Variants in LAMTOR3 observed in about 807,000 individuals in gnomAD.
LAMTOR3 encodes late endosomal/lysosomal adaptor, MAPK and MTOR activator 3, also known as ragulator complex protein LAMTOR3.
In LAMTOR3, 14 loss-of-function variants were observed where a neutral mutation model predicts 20.3. That is an observed-to-expected ratio of 0.69 (90% CI 0.46 to 1.08). The LOEUF is 1.08. LAMTOR3 is among the 50% of genes least tolerant of loss of function. The pLI is 0.00. For missense variants in LAMTOR3, 125 were observed against 143.7 expected (o/e 0.87, Z 0.67); for synonymous variants, 40 against 49.4 (o/e 0.81, Z 0.80).
At chr4:99,888,387 T>G (rs148093979) in intron 3 of LAMTOR3, among the ~76,000 whole-genome samples, 1 of 152,204 alleles carries the variant, frequency 6.6e-6, no homozygotes, top group Non-Finnish European at 1.5e-5. Flanking sequence ...AAGTACTAAG[T>G]TATCAGTGAG....
In LAMTOR3 at chr4:99,880,258, C is replaced by G. The variant is rs2110177798; in HGVS notation, c.*1736G>C. The G allele has an allele frequency of 6.6e-6, 1 of 152,126 alleles. No homozygotes were observed. Among genetic ancestry groups the G allele is most frequent in the East Asian group, 1.9e-4 (1 of 5,170 alleles). 9.4% of individuals were successfully genotyped at this position (152,126 alleles called of 1,614,324 possible). Reference sequence around the variant, plus strand: ...AAAGTAAGGTATCACAAATTAATCTCATATTTACACTGAAGAAGGGAGGAA... The same window carrying G: ...AAAGTAAGGTATCACAAATTAATCTGATATTTACACTGAAGAAGGGAGGAA... On this transcript the variant is annotated 3_prime_UTR_variant, in exon 7 of 7. Transcript: ENST00000499666.
At chr4:99,886,705 T>C (rs1035722584) in intron 4 of LAMTOR3, among the ~76,000 whole-genome samples, 2 of 152,178 alleles carry the variant, frequency 1.3e-5, no homozygotes, top group Admixed American at 6.5e-5. Flanking sequence ...GTAAACAAAA[T>C]ATACAGAACA....
At chr4:99,893,301 C>G (rs537385091) in intron 2 of LAMTOR3, among the ~76,000 whole-genome samples, 1 of 152,264 alleles carries the variant, frequency 6.6e-6, no homozygotes, top group South Asian at 2.1e-4. Flanking sequence ...GACTAAGCAA[C>G]CGCATTGGCC....
At chr4:99,893,159 G>T (rs1725053433) in intron 2 of LAMTOR3, among the ~76,000 whole-genome samples, 1 of 152,086 alleles carries the variant, frequency 6.6e-6, no homozygotes, top group South Asian at 2.1e-4. Flanking sequence ...GACTACAGAG[G>T]TATCAATGCG....
At chr4:99,889,637 G>C (rs530439597) in intron 3 of LAMTOR3, among the ~76,000 whole-genome samples, 1 of 152,286 alleles carries the variant, frequency 6.6e-6, no homozygotes, top group East Asian at 1.9e-4. Context: ...TGTAGGTAAT[G>C]GTGGGTGCCT....
In LAMTOR3 at chr4:99,881,899, C is replaced by T; in HGVS notation, c.*95G>A. 2.3e-6 allele frequency: 2 copies of T among 852,550 alleles called. No homozygotes were observed. The highest frequency in any genetic ancestry group is 1.5e-5 in the South Asian group (1 of 66,566). 52.8% of individuals were successfully genotyped at this position (852,550 alleles called of 1,614,324 possible). On this transcript the variant is annotated 3_prime_UTR_variant, in exon 7 of 7. Coordinates refer to ENST00000499666, the MANE Select transcript of LAMTOR3 (RefSeq NM_021970.4). ...TTGGAAAAAGGGGCCCTTTCTTGAGCACATGGATAAAAGTATTATTGTAGT... is the reference window on the plus strand; with the variant it reads ...TTGGAAAAAGGGGCCCTTTCTTGAGTACATGGATAAAAGTATTATTGTAGT...
chr4:99,888,579 C>A (rs1350539373), intron 3 of LAMTOR3, among the ~76,000 whole-genome samples: 5 of 152,126 alleles, frequency 3.3e-5, no homozygotes, highest in African/African-American at 1.2e-4. Flanking sequence ...GAGATATGTT[C>A]AATGTCCCTA....
chr4:99,879,740 C>CTA lies in LAMTOR3; in HGVS notation c.*2252_*2253dup, dbSNP rs1724784431. 1 of 152,010 alleles carries CTA rather than the reference C, an allele frequency of 6.6e-6. No individual in the cohort carries two copies. Among genetic ancestry groups the CTA allele is most frequent in the Non-Finnish European group, 1.5e-5 (1 of 67,982 alleles). The allele number at this position is 152,010 out of a possible 1,614,324, so 9.4% of individuals were successfully genotyped here. A position where few individuals can be genotyped will look rare whatever the true frequency, so the allele number is the denominator to read the frequency against. On this transcript the variant is annotated 3_prime_UTR_variant, in exon 7 of 7. Transcript: ENST00000499666. ...GAACCCCAGATGGTATAGCCTACTA[C>CTA]TACACACCTAGGCTATATGGTATAG...
intron 3 of LAMTOR3, 112 bp downstream of exon 3, chr4:99,891,888 T>C: frequency 6.9e-7 from 1 of 1,446,938 alleles, no homozygotes; most frequent in Non-Finnish European, 9.1e-7. Flanking sequence ...AATATTCATA[T>C]TAAAGGAAAT....
intron 3 of LAMTOR3, among the ~76,000 whole-genome samples, chr4:99,890,190 T>C (rs1048594198): frequency 1.3e-5 from 2 of 152,218 alleles, no homozygotes; most frequent in African/African-American, 4.8e-5. Flanking sequence ...AAATGTTGCA[T>C]TACTAATCAA....
At chr4:99,893,044 GA>G (rs1725051349) in intron 2 of LAMTOR3, among the ~76,000 whole-genome samples, 1 of 152,116 alleles carries the variant, frequency 6.6e-6, no homozygotes, top group Non-Finnish European at 1.5e-5. Flanking sequence ...ACACAGTTAA[GA>G]CTAAAGAAGT....
chr4:99,885,465 A>G (rs1015161605), intron 5 of LAMTOR3, 77 bp downstream of exon 5: 1 of 1,281,710 alleles, frequency 7.8e-7, no homozygotes, highest in Non-Finnish European at 1.0e-6. Flanking sequence ...GAACTATAAC[A>G]CAAACTATTT....
Position 99,881,274 on chromosome 4 carries a change from T to C in LAMTOR3, c.*720A>G, listed in dbSNP as rs1016608592. On this transcript the variant is annotated 3_prime_UTR_variant, in exon 7 of 7. Coordinates refer to ENST00000499666, the MANE Select transcript of LAMTOR3 (RefSeq NM_021970.4). ...AAATGGCTGTACTATCATGTTTACATACATACTAACATTGGAAACAGAATA... is the reference window on the plus strand; with the variant it reads ...AAATGGCTGTACTATCATGTTTACACACATACTAACATTGGAAACAGAATA... 5 of 152,252 alleles carry C rather than the reference T, an allele frequency of 3.3e-5. No homozygotes were observed. The highest frequency in any genetic ancestry group is 9.6e-5 in the African/African-American group (4 of 41,468). The allele number at this position is 152,252 out of a possible 1,614,324, so 9.4% of individuals were successfully genotyped here. A position where few individuals can be genotyped will look rare whatever the true frequency, so the allele number is the denominator to read the frequency against.
intron 6 of LAMTOR3, among the ~76,000 whole-genome samples, chr4:99,882,359 T>C (rs1724843227): frequency 6.6e-6 from 1 of 152,182 alleles, no homozygotes; most frequent in Admixed American, 6.5e-5. Flanking sequence ...GCCATATTAG[T>C]GCTCAGAAAG....
At chr4:99,888,664 C>A (rs1276988892) in intron 3 of LAMTOR3, among the ~76,000 whole-genome samples, 4 of 152,022 alleles carry the variant, frequency 2.6e-5, no homozygotes, top group Non-Finnish European at 5.9e-5. Flanking sequence ...CTTATATTAA[C>A]CTAATGTTTA....
chr4:99,887,970 C>A (rs1724959253), intron 3 of LAMTOR3, among the ~76,000 whole-genome samples: 1 of 152,202 alleles, frequency 6.6e-6, no homozygotes, highest in Admixed American at 6.5e-5. Flanking sequence ...GGCAGTAATA[C>A]ATCAGCTGAG....
rs1724777889 is a variant in LAMTOR3 at position 99,879,476 on chromosome 4, G to T, written c.*2518C>A. On this transcript the variant is annotated 3_prime_UTR_variant, in exon 7 of 7. Transcript: ENST00000499666. The stretch of plus-strand genomic sequence containing the variant: ...GATATACAATTATTATCTGCAAATA[G>T]AAATCTGGCCACCTCATTTCTAAAA... The T allele has an allele frequency of 6.6e-6, 1 of 152,098 alleles. No homozygotes were observed. The highest frequency in any genetic ancestry group is 1.5e-5 in the Non-Finnish European group (1 of 68,010). 9.4% of individuals were successfully genotyped at this position (152,098 alleles called of 1,614,324 possible).
At chr4:99,894,302 G>C (rs924755129) in intron 1 of LAMTOR3, 33 bp downstream of exon 1, 21 of 279,310 alleles carry the variant, frequency 7.5e-5, no homozygotes, top group Non-Finnish European at 1.1e-4. Flanking sequence ...TGCGGGACTA[G>C]GCCTCAAAAC....
At chr4:99,894,514 A>G (rs2110185351), upstream of LAMTOR3, 1 of 151,656 alleles carries the variant, frequency 6.6e-6, no homozygotes. Flanking sequence ...GGAAGCTGCG[A>G]GGGCGCGTCC....
Sources: gnomAD v4.1 joint callset for allele counts (sites outside exome capture counted in the v4.1 genomes callset) on GRCh38, gnomAD v4.1.1 for gene constraint, MANE v1.5 for transcripts, NCBI Gene and HGNC (gene_info 2026-07-23, HGNC 2026-07-21) for gene names.